TAOK1: variants seen among roughly 807,000 people sequenced by gnomAD.
TAOK1 encodes the protein serine/threonine-protein kinase TAO1.
TAOK1 carries 21 observed loss-of-function variants against 138.3 expected under a neutral mutation model. That is an observed-to-expected ratio of 0.15 (90% CI 0.11 to 0.22). The LOEUF is 0.22. TAOK1 is among the 10% of genes least tolerant of loss of function. The probability of loss-of-function intolerance (pLI) is 1.00; values close to 1 mark genes in which losing one functional copy is unlikely to be tolerated. For synonymous variants in TAOK1, 361 were observed against 398.4 expected (o/e 0.91, Z 1.12); for missense variants, 651 against 1,227.7 (o/e 0.53, Z 7.02).
In TAOK1 at chr17:29,456,740, T is replaced by C. The variant is rs182706597; in HGVS notation, c.132+5060T>C. On this transcript the variant is annotated intron_variant, in intron 2 of 19. Coordinates refer to ENST00000261716, the MANE Select transcript of TAOK1 (RefSeq NM_020791.4). ...TATAGTTCTATTTCTTTTTTTGTTTTGTTTTGTTTTTAAAACGGAGTCTCG... is the reference window on the plus strand; with the variant it reads ...TATAGTTCTATTTCTTTTTTTGTTTCGTTTTGTTTTTAAAACGGAGTCTCG... Among the ~76,000 whole-genome samples, 26 of 150,780 alleles carry C rather than the reference T, an allele frequency of 1.7e-4. 1 individual carries two copies. Among genetic ancestry groups the C allele is most frequent in the Admixed American group, 1.5e-3 (23 of 15,268 alleles).
intron 18 of TAOK1, 101 bp from the exon 19 acceptor site, chr17:29,534,014 AGAG>A: frequency 8.0e-7 from 1 of 1,250,006 alleles, no homozygotes; most frequent in Non-Finnish European, 1.0e-6. Flanking sequence ...AAACTAAAAA[AGAG>A]TAGTCTGTCT....
intron 1 of TAOK1, among the ~76,000 whole-genome samples, chr17:29,414,400 C>A (rs1017442532): frequency 1.3e-5 from 2 of 151,916 alleles, no homozygotes; most frequent in African/African-American, 4.8e-5. Context: ...CAGGCACACG[C>A]CACTGTGCCT....
chr17:29,452,634 C>T (rs1598486725), intron 2 of TAOK1, among the ~76,000 whole-genome samples: 1 of 152,312 alleles, frequency 6.6e-6, no homozygotes, highest in East Asian at 1.9e-4. Flanking sequence ...CAGTAACTCC[C>T]ATTTCACCCT....
chr17:29,410,776 C>T (rs1467168642), intron 1 of TAOK1, among the ~76,000 whole-genome samples: 1 of 151,256 alleles, frequency 6.6e-6, no homozygotes, highest in Non-Finnish European at 1.5e-5. Context: ...GCTAGAATTA[C>T]AGGCGCCCAC....
At chr17:29,478,086 C>T (rs916920665) in intron 5 of TAOK1, among the ~76,000 whole-genome samples, 165 bp from the exon 6 acceptor site, 26 of 152,142 alleles carry the variant, frequency 1.7e-4, no homozygotes, top group Non-Finnish European at 2.9e-5. Flanking sequence ...ACTTTAACAA[C>T]TGACACAACT....
Position 29,467,337 on chromosome 17 carries a change from A to G in TAOK1, c.204+121A>G, listed in dbSNP as rs371096981. ...AGCCCAGGCTGGAGTGTAGTGGTGC[A>G]ATCTTGGCTCACTGCAAGCTCCGCC... On this transcript the variant is annotated intron_variant, in intron 3 of 19. Coordinates refer to ENST00000261716, the MANE Select transcript of TAOK1 (RefSeq NM_020791.4). The G allele has an allele frequency of 7.3e-4, 318 of 436,164 alleles. 1 individual carries two copies. The highest frequency in any genetic ancestry group is 6.2e-3 in the African/African-American group (299 of 48,216). The allele number at this position is 436,164 out of a possible 1,614,324, so 27.0% of individuals were successfully genotyped here.
chr17:29,466,067 A>G (rs1373728126), intron 2 of TAOK1, among the ~76,000 whole-genome samples: 2 of 151,762 alleles, frequency 1.3e-5, no homozygotes, highest in African/African-American at 4.8e-5. Context: ...ATTTATTGAG[A>G]GTTTATATAT....
rs757889494 is a variant in TAOK1, at chr17:29,467,212, C to G, written c.200C>G (p.Thr67Ser). The change falls in exon 3 of 20, where the codon ACT becomes AGT. Residue 67 changes from threonine (T) to serine (S), a missense_variant. Transcript: ENST00000261716. ...ATGTCTTATAGTGGAAAGCAGTCTA[C>G]TGAGGTAGGTTAAATATGTACATTC... ...KKMSYSGKQS[T>S]EKWQDIIKEV... 1 of 1,593,198 alleles carries G rather than the reference C, an allele frequency of 6.3e-7. No homozygotes were observed. Among genetic ancestry groups the G allele is most frequent in the South Asian group, 1.1e-5 (1 of 88,110 alleles).
At chr17:29,418,280 C>G (rs989995957) in intron 1 of TAOK1, among the ~76,000 whole-genome samples, 2 of 152,200 alleles carry the variant, frequency 1.3e-5, no homozygotes, top group African/African-American at 4.8e-5. Context: ...GACTCCTGGG[C>G]TCAAGTGATC....
At chr17:29,492,937 T>C (rs2031330949) in intron 10 of TAOK1, among the ~76,000 whole-genome samples, 1 of 151,832 alleles carries the variant, frequency 6.6e-6, no homozygotes, top group African/African-American at 2.4e-5. Context: ...GGTCAGCAGT[T>C]TGAGACCAGC....
At chr17:29,396,560 T>C (rs1354707679) in intron 1 of TAOK1, among the ~76,000 whole-genome samples, 1 of 152,172 alleles carries the variant, frequency 6.6e-6, no homozygotes, top group East Asian at 1.9e-4. Context: ...GATCAAATAG[T>C]TTTATGCAGG....
At chr17:29,414,894 T>A (rs1223011263) in intron 1 of TAOK1, among the ~76,000 whole-genome samples, 1 of 152,078 alleles carries the variant, frequency 6.6e-6, no homozygotes, top group Non-Finnish European at 1.5e-5. Context: ...TAATATTCCA[T>A]TATATTTATG....
At chr17:29,466,601 C>T (rs2030675114) in intron 2 of TAOK1, among the ~76,000 whole-genome samples, 1 of 152,086 alleles carries the variant, frequency 6.6e-6, no homozygotes, top group African/African-American at 2.4e-5. Context: ...GGTTAAACTG[C>T]CTTTGTAAAA....
chr17:29,437,841 TC>T (rs1397274328), intron 1 of TAOK1, among the ~76,000 whole-genome samples: 1 of 150,398 alleles, frequency 6.6e-6, no homozygotes, highest in Non-Finnish European at 1.5e-5. Context: ...TCAACGATTC[TC>T]TTGCCTCAGC....
intron 7 of TAOK1, 44 bp from the exon 8 acceptor site, chr17:29,482,153 C>T: frequency 6.9e-7 from 1 of 1,453,752 alleles, no homozygotes; most frequent in Non-Finnish European, 9.5e-7. Context: ...GGATAGAATA[C>T]TTTTTAAAAA....
intron 1 of TAOK1, among the ~76,000 whole-genome samples, chr17:29,397,702 C>CATGT (rs1904691567): frequency 2.7e-4 from 11 of 41,386 alleles, no homozygotes; most frequent in African/African-American, 8.0e-4. Flanking sequence ...TTCATGTATG[C>CATGT]ATACATGAAT....
At chr17:29,421,084 C>G (rs1905430051) in intron 1 of TAOK1, among the ~76,000 whole-genome samples, 1 of 152,080 alleles carries the variant, frequency 6.6e-6, no homozygotes, top group Admixed American at 6.6e-5. Flanking sequence ...CACCCATCAC[C>G]ACGCCCAGCT....
At chr17:29,423,330 C>T (rs1393783623) in intron 1 of TAOK1, among the ~76,000 whole-genome samples, 1 of 151,168 alleles carries the variant, frequency 6.6e-6, no homozygotes, top group East Asian at 2.0e-4. Flanking sequence ...CGCCATTCTG[C>T]TCAGCCTCCT....
chr17:29,530,369 GTTACAAC>G (rs771610712), intron 17 of TAOK1, 31 bp from the exon 18 acceptor site: 1 of 1,582,730 alleles, frequency 6.3e-7, no homozygotes, highest in Non-Finnish European at 8.7e-7. Flanking sequence ...AATGCCTTTC[GTTACAAC>G]TTACATAAAT....
Sources: gnomAD v4.1 joint callset for allele counts (sites outside exome capture counted in the v4.1 genomes callset) on GRCh38, gnomAD v4.1.1 for gene constraint, MANE v1.5 for transcripts, NCBI Gene and HGNC (gene_info 2026-07-23, HGNC 2026-07-21) for gene names.